RNF220: variants seen among roughly 807,000 people sequenced by gnomAD.
The protein encoded by RNF220 is E3 ubiquitin-protein ligase RNF220.
A neutral mutation model predicts 67.1 loss-of-function variants in RNF220; 7 were observed. The ratio of observed to expected loss-of-function variants is 0.10; its 90% confidence interval spans 0.06 to 0.20. The LOEUF (loss-of-function observed/expected upper bound fraction) is 0.20. Ranked by LOEUF, RNF220 falls within the 10% of genes least tolerant of loss-of-function variation. The pLI, the probability that RNF220 is intolerant of heterozygous loss-of-function variation, is 1.00. For missense variants in RNF220, 565 were observed against 740.3 expected (o/e 0.76, Z 2.75); for synonymous variants, 270 against 283.2 (o/e 0.95, Z 0.47).
chr1:44,610,397 A>G (rs1643238910), intron 2 of RNF220, among the ~76,000 whole-genome samples: 1 of 151,988 alleles, frequency 6.6e-6, no homozygotes, highest in Non-Finnish European at 1.5e-5. Flanking sequence ...CCCATTCATC[A>G]TCTTTAGCAC....
chr1:44,450,296 A>G (rs1652540126), intron 2 of RNF220, among the ~76,000 whole-genome samples: 1 of 152,194 alleles, frequency 6.6e-6, no homozygotes, highest in African/African-American at 2.4e-5. Flanking sequence ...TACTGTAGAT[A>G]TAGCAGGAGG....
intron 2 of RNF220, among the ~76,000 whole-genome samples, chr1:44,425,515 T>TGG (rs1649672227): frequency 6.6e-6 from 1 of 152,096 alleles, no homozygotes; most frequent in African/African-American, 2.4e-5. Context: ...ACCACAACAC[T>TGG]GGGCACCTCC....
chr1:44,433,303 G>C (rs1217087997), intron 2 of RNF220, among the ~76,000 whole-genome samples: 1 of 152,186 alleles, frequency 6.6e-6, no homozygotes, highest in Non-Finnish European at 1.5e-5. Flanking sequence ...AGAACTTCCA[G>C]TTGTACTGTG....
Position 44,412,748 on chromosome 1 carries a change from C to A in RNF220, c.625+26C>A. The A allele has an allele frequency of 6.3e-7, 1 of 1,598,592 alleles. No homozygotes were observed. Among genetic ancestry groups the A allele is most frequent in the Non-Finnish European group, 8.5e-7 (1 of 1,170,828 alleles). On this transcript the variant is annotated intron_variant, in intron 2 of 14. Coordinates refer to ENST00000361799, the MANE Select transcript of RNF220 (RefSeq NM_018150.4). This position sits in a 1 kb window ranked among gnomAD's most constrained non-coding sequence, Gnocchi z 5.3. The stretch of plus-strand genomic sequence containing the variant: ...GTAAGTACTTTGGTTCCAGCCCTCC[C>A]TTACCCCCAGTAAGCCCTGCCTCAC...
At chr1:44,568,710 A>G (rs982182058) in intron 2 of RNF220, among the ~76,000 whole-genome samples, 13 of 152,232 alleles carry the variant, frequency 8.5e-5, no homozygotes, top group Non-Finnish European at 1.9e-4. Context: ...CAGCCTGTTC[A>G]GGAGAGGCTG....
rs116745757 is a variant in RNF220 at position 44,566,536 on chromosome 1, G to A, written c.626-47629G>A. On this transcript the variant is annotated intron_variant, in intron 2 of 14. Coordinates refer to ENST00000361799, the MANE Select transcript of RNF220 (RefSeq NM_018150.4). ...TCCCCGTCAAGGCTGCCTCGGGCTA[G>A]CTGTGAGCTTTCCCTTTCTAGAAAT... 3.6e-3 allele frequency among the ~76,000 whole-genome samples: 552 copies of A among 152,316 alleles called. 6 individuals are homozygous for A. Among genetic ancestry groups the A allele is most frequent in the African/African-American group, 0.012 (514 of 41,556 alleles).
intron 1 of RNF220, among the ~76,000 whole-genome samples, chr1:44,405,800 T>C (rs1350625404): frequency 4.0e-5 from 1 of 24,964 alleles, no homozygotes; most frequent in African/African-American, 1.6e-4. Context: ...GTGTTTTATT[T>C]GGGGAGGGGG....
chr1:44,625,270 G>T (rs1045090881), intron 4 of RNF220, among the ~76,000 whole-genome samples: 1 of 152,210 alleles, frequency 6.6e-6, no homozygotes, highest in African/African-American at 2.4e-5. Flanking sequence ...TCCCATGCAG[G>T]CCCTTTCCAG....
At chr1:44,453,567 G>GT (rs1252159837) in intron 2 of RNF220, among the ~76,000 whole-genome samples, 1 of 151,652 alleles carries the variant, frequency 6.6e-6, no homozygotes, top group Non-Finnish European at 1.5e-5. Context: ...TGATCATGAG[G>GT]TTTTACCTCC....
intron 2 of RNF220, among the ~76,000 whole-genome samples, chr1:44,563,153 T>C (rs982629830): frequency 3.9e-5 from 6 of 152,226 alleles, no homozygotes; most frequent in Non-Finnish European, 8.8e-5. Context: ...ACAGCAGACC[T>C]GGGCCTTGTT....
chr1:44,607,970 C>G (rs925299094), intron 2 of RNF220, among the ~76,000 whole-genome samples: 1 of 149,422 alleles, frequency 6.7e-6, no homozygotes, highest in African/African-American at 2.5e-5. Context: ...GTAGGCCAGG[C>G]TGGAGTGCAG....
At chr1:44,520,960 A>G (rs1429908690) in intron 2 of RNF220, among the ~76,000 whole-genome samples, 1 of 152,188 alleles carries the variant, frequency 6.6e-6, no homozygotes, top group Non-Finnish European at 1.5e-5. Context: ...CAGTGGCGCA[A>G]TCATAGCTAG....
chr1:44,633,839 C>T (rs1468659066), intron 6 of RNF220, among the ~76,000 whole-genome samples: 4 of 152,248 alleles, frequency 2.6e-5, no homozygotes, highest in Admixed American at 6.5e-5. Flanking sequence ...TGATGTTTCA[C>T]GTCCATTCTC....
At chr1:44,610,077 C>A (rs897203032) in intron 2 of RNF220, among the ~76,000 whole-genome samples, 1 of 152,124 alleles carries the variant, frequency 6.6e-6, no homozygotes, top group African/African-American at 2.4e-5. Flanking sequence ...AGGCACTCCG[C>A]GACTGGGGCG....
At chr1:44,602,188 G>A (rs1010095296) in intron 2 of RNF220, among the ~76,000 whole-genome samples, 1 of 152,190 alleles carries the variant, frequency 6.6e-6, no homozygotes, top group African/African-American at 2.4e-5. Context: ...GGTCAGGACA[G>A]TGATGGGCTT....
chr1:44,645,802 A>G lies in RNF220; in HGVS notation c.1445+314A>G, dbSNP rs1644627545. On this transcript the variant is annotated intron_variant, in intron 12 of 14. Coordinates refer to ENST00000361799, the MANE Select transcript of RNF220 (RefSeq NM_018150.4). This position sits in a 1 kb window ranked among gnomAD's most constrained non-coding sequence, Gnocchi z 5.0. ...TATGGCCGCCCAGCCCAGCCGGCAC[A>G]CTTGATTCATCTCCAGTTTCTGTTT... 6.6e-6 allele frequency among the ~76,000 whole-genome samples: 1 copy of G among 152,248 alleles called. No homozygotes were observed. Among genetic ancestry groups the G allele is most frequent in the South Asian group, 2.1e-4 (1 of 4,836 alleles).
chr1:44,443,431 A>G (rs1159729158), intron 2 of RNF220, among the ~76,000 whole-genome samples: 3 of 152,170 alleles, frequency 2.0e-5, no homozygotes, highest in African/African-American at 7.2e-5. Flanking sequence ...GGCTCCTAAC[A>G]TGCTCTGGCA....
chr1:44,612,532 A>G (rs1027338912), intron 2 of RNF220, among the ~76,000 whole-genome samples: 2 of 152,168 alleles, frequency 1.3e-5, no homozygotes, highest in African/African-American at 4.8e-5. Context: ...TGGGCATCCA[A>G]GGGAGCCGTA....
intron 2 of RNF220, among the ~76,000 whole-genome samples, chr1:44,590,115 A>G (rs952717136): frequency 1.3e-5 from 2 of 152,188 alleles, no homozygotes; most frequent in East Asian, 3.8e-4. Context: ...TATGGTCTTC[A>G]GAGCATGCGT....
Sources: gnomAD v4.1 joint callset for allele counts (sites outside exome capture counted in the v4.1 genomes callset) on GRCh38, gnomAD v4.1.1 for gene constraint, Gnocchi (gnomAD v3.1) non-coding constraint, MANE v1.5 for transcripts, NCBI Gene and HGNC (gene_info 2026-07-23, HGNC 2026-07-21) for gene names.